The following OLFML2A variants were observed in gnomAD, a reference collection of about 807,000 sequenced individuals.
OLFML2A encodes olfactomedin like 2A.
A neutral mutation model predicts 60.9 loss-of-function variants in OLFML2A; 47 were observed. The ratio of observed to expected loss-of-function variants is 0.77; its 90% CI spans 0.61 to 0.98. The LOEUF (loss-of-function observed/expected upper bound fraction) is 0.98, where lower values mean the gene tolerates loss of function less well. Ranked by LOEUF, OLFML2A falls within the 50% of genes least tolerant of loss-of-function variation. The pLI is 0.00. For synonymous variants in OLFML2A, 372 were observed against 375.0 expected, an observed-to-expected ratio of 0.99 and a Z score of 0.09; for missense variants, 922 against 879.8, an observed-to-expected ratio of 1.05 and a Z score of -0.61.
rs548480402 is a variant in OLFML2A at position 124,805,140 on chromosome 9, T to C, written c.1168+798T>C. On this transcript the variant is annotated intron_variant, in intron 6 of 7. Transcript: ENST00000373580. ...GATGTCAGCATTTATAGTTTTGCTC[T>C]GTGTCTCATGGTAGAAATCTTCCTC... Among the ~76,000 whole-genome samples the C allele has an allele frequency of 1.3e-4, 20 of 152,364 alleles. 1 individual carries two copies. In the South Asian group the frequency reaches 4.1e-3, roughly 32 times the overall value.
rs180831648 is a variant in OLFML2A at position 124,813,978 on chromosome 9, A to C, written c.*3566A>C. On this transcript the variant is annotated 3_prime_UTR_variant, in exon 8 of 8. Transcript: ENST00000373580. ...CCAGGTCTTCTTGCTGACCTCGTCT[A>C]CAAAGGCAAAGGAAGGCAAAGGAAG... 2.0e-5 allele frequency: 3 copies of C among 152,266 alleles called. No individual in the cohort carries two copies. Among genetic ancestry groups the C allele is most frequent in the Non-Finnish European group, 2.9e-5 (2 of 68,056 alleles). The allele number at this position is 152,266 out of a possible 1,614,324, so 9.4% of individuals were successfully genotyped here.
At chr9:124,783,908 G>C (rs1343368931) in intron 1 of OLFML2A, among the ~76,000 whole-genome samples, 1 of 152,218 alleles carries the variant, frequency 6.6e-6, no homozygotes. Flanking sequence ...GGGATAGAGA[G>C]TAACAGGAGG....
At chr9:124,783,993 G>A (rs1414486487) in intron 1 of OLFML2A, among the ~76,000 whole-genome samples, 1 of 152,198 alleles carries the variant, frequency 6.6e-6, no homozygotes, top group Non-Finnish European at 1.5e-5. Flanking sequence ...AAGTAAGCCA[G>A]GGAAAGATTG....
chr9:124,795,915 C>T (rs1841661138), intron 3 of OLFML2A, among the ~76,000 whole-genome samples: 1 of 152,210 alleles, frequency 6.6e-6, no homozygotes, highest in Non-Finnish European at 1.5e-5. Context: ...TGCTATAGGA[C>T]TGGGCAGGGG....
At chr9:124,794,961 C>A in intron 2 of OLFML2A, 63 bp from the exon 3 acceptor site, 1 of 980,422 alleles carries the variant, frequency 1.0e-6, no homozygotes, top group Non-Finnish European at 1.6e-6. Flanking sequence ...GTTCCTTTTA[C>A]CCTCTGTGTC....
chr9:124,784,482 A>G (rs760734248), intron 1 of OLFML2A, among the ~76,000 whole-genome samples: 68 of 152,288 alleles, frequency 4.5e-4, no homozygotes, highest in Middle Eastern at 3.4e-3. Flanking sequence ...GATTACAGGC[A>G]TGAGCCACTG....
rs550247760 is a variant in OLFML2A at position 124,799,955 on chromosome 9, G to C, written c.669+464G>C. On this transcript the variant is annotated intron_variant, in intron 4 of 7. Transcript: ENST00000373580. ...ACCCATTCATCCAACCCACCCTGGGGTACAGAACCCCTGCAGCCAATACCC... is the reference window on the plus strand; with the variant it reads ...ACCCATTCATCCAACCCACCCTGGGCTACAGAACCCCTGCAGCCAATACCC... Among the ~76,000 whole-genome samples, 4 of 152,274 alleles carry C rather than the reference G, an allele frequency of 2.6e-5. No individual in the cohort carries two copies. The South Asian group carries it at 8.3e-4, about 32-fold the overall frequency.
intron 3 of OLFML2A, among the ~76,000 whole-genome samples, chr9:124,797,316 A>G (rs191962103): frequency 2.6e-5 from 4 of 152,322 alleles, no homozygotes; most frequent in Admixed American, 2.0e-4. Context: ...GTCATATTCC[A>G]TAGACTTTTT....
chr9:124,803,205 G>A (rs185447773), intron 5 of OLFML2A, among the ~76,000 whole-genome samples: 3 of 151,798 alleles, frequency 2.0e-5, no homozygotes, highest in East Asian at 1.9e-4. Context: ...CACCGCGCCC[G>A]GCCGGTGTCA....
chr9:124,779,095 A>T lies in OLFML2A; in HGVS notation c.90+1735A>T. On this transcript the variant is annotated intron_variant, in intron 1 of 7. Coordinates refer to ENST00000373580, the MANE Select transcript of OLFML2A (RefSeq NM_182487.4). This position sits in a 1 kb window ranked among gnomAD's most constrained non-coding sequence, Gnocchi z 4.1. ...TCATGTACTCCAGAGACAAGGAGGG[A>T]ATGAGTATTTTTTCTAATTTACAGG... 1 of 268,012 alleles carries T rather than the reference A, an allele frequency of 3.7e-6. No individual in the cohort carries two copies. The highest frequency in any genetic ancestry group is 5.7e-6 in the Non-Finnish European group (1 of 174,192). 16.6% of individuals were successfully genotyped at this position (268,012 alleles called of 1,614,324 possible).
chr9:124,798,812 C>T (rs1293726667), intron 3 of OLFML2A, among the ~76,000 whole-genome samples: 1 of 151,492 alleles, frequency 6.6e-6, no homozygotes, highest in Non-Finnish European at 1.5e-5. Context: ...CAATGGTGTA[C>T]TGTGTGGCCA....
In OLFML2A at chr9:124,787,095, G is replaced by A. The variant is rs368703899; in HGVS notation, c.211G>A (p.Val71Met). 4.8e-5 allele frequency: 77 copies of A among 1,614,070 alleles called. No homozygotes were observed. The highest frequency in any genetic ancestry group is 1.6e-4 in the Middle Eastern group (1 of 6,084). Reference protein sequence around the residue: ...CSRVRSGRARVEDFYTVETVS... With the variant: ...CSRVRSGRARMEDFYTVETVS... ...CCGAGTGCGCAGTGGGCGGGCACGC[G>A]TGGAGGACTTCTACACGGTGGAGAC... The change falls in exon 2 of 8, where the codon GTG becomes ATG. Residue 71 changes from valine (V) to methionine (M), a missense_variant. By Grantham distance (21) the Val-to-Met change is conservative. Coordinates refer to ENST00000373580, the MANE Select transcript of OLFML2A (RefSeq NM_182487.4).
In OLFML2A at chr9:124,807,711, C is replaced by A. The variant is rs935485216; in HGVS notation, c.1169-70C>A. The A allele has an allele frequency of 6.3e-6, 8 of 1,277,908 alleles. No individual in the cohort carries two copies. In the African/African-American group the frequency reaches 1.0e-4, roughly 17 times the overall value. The allele number at this position is 1,277,908 out of a possible 1,614,324, so 79.2% of individuals were successfully genotyped here. ...ATTTAAGTTAGACCCAGATAACATT[C>A]CCAGCCCGTTGCTCTGGCTGGGGGG... On this transcript the variant is annotated intron_variant, in intron 6 of 7. Transcript: ENST00000373580.
At position 124,779,380 on chromosome 9, in the gene OLFML2A, G is replaced by T. The variant is rs1564279770; in HGVS notation, c.90+2020G>T. 6.6e-6 allele frequency among the ~76,000 whole-genome samples: 1 copy of T among 152,200 alleles called. No homozygotes were observed. Among genetic ancestry groups the T allele is most frequent in the Non-Finnish European group, 1.5e-5 (1 of 68,028 alleles). On this transcript the variant is annotated intron_variant, in intron 1 of 7. Transcript: ENST00000373580. This position sits in a 1 kb window ranked among gnomAD's most constrained non-coding sequence, Gnocchi z 4.1. ...CTGATCAGTGCCTTGTCACCACTGG[G>T]ATCTCTGGCTGGGAGGGATATTTGG...
At position 124,788,154 on chromosome 9, in the gene OLFML2A, T is replaced by C. The variant is rs566226596; in HGVS notation, c.354+916T>C. On this transcript the variant is annotated intron_variant, in intron 2 of 7. Coordinates refer to ENST00000373580, the MANE Select transcript of OLFML2A (RefSeq NM_182487.4). ...TGTTTCTGCTAAAAATACAAAAAAT[T>C]AGCCAGGCATGGTGGCAGGTGCCTG... Among the ~76,000 whole-genome samples, 5 of 150,778 alleles carry C rather than the reference T, an allele frequency of 3.3e-5. No homozygotes were observed. In the East Asian group the frequency reaches 8.0e-4, roughly 24 times the overall value.
intron 3 of OLFML2A, among the ~76,000 whole-genome samples, chr9:124,799,006 G>A (rs2131266695): frequency 6.6e-6 from 1 of 152,294 alleles, no homozygotes; most frequent in Non-Finnish European, 1.5e-5. Flanking sequence ...AAATAAAGGT[G>A]GGAGGGTGAC....
At chr9:124,799,931 C>T (rs1841742749) in intron 4 of OLFML2A, among the ~76,000 whole-genome samples, 1 of 152,170 alleles carries the variant, frequency 6.6e-6, no homozygotes, top group Non-Finnish European at 1.5e-5. Flanking sequence ...CAGACTGATA[C>T]CCATTCATCC....
At chr9:124,785,394 T>C (rs1282679977) in intron 1 of OLFML2A, among the ~76,000 whole-genome samples, 15 of 120,076 alleles carry the variant, frequency 1.2e-4, no homozygotes, top group South Asian at 1.2e-3. Context: ...TTCTTTCTTT[T>C]TTTTTTTTTT....
chr9:124,793,988 A>G (rs1191753993), intron 2 of OLFML2A, among the ~76,000 whole-genome samples: 2 of 152,166 alleles, frequency 1.3e-5, no homozygotes, highest in Non-Finnish European at 2.9e-5. Flanking sequence ...GCAGTGAGCT[A>G]GGATCATGCC....
Sources: allele counts gnomAD v4.1 joint callset (sites outside exome capture counted in the v4.1 genomes callset), GRCh38; gene constraint gnomAD v4.1.1; non-coding constraint Gnocchi (gnomAD v3.1); transcripts MANE v1.5; gene names NCBI Gene and HGNC (gene_info 2026-07-23, HGNC 2026-07-21).